Variants in PALM2AKAP2 observed in about 807,000 individuals in gnomAD.
PALM2AKAP2 encodes PALM2 and AKAP2 fusion, also known as PALM2-AKAP2 fusion protein.
A neutral mutation model predicts 71.5 loss-of-function variants in PALM2AKAP2; 37 were observed. The observed-to-expected ratio is 0.52, with a 90% CI of 0.40 to 0.68. PALM2AKAP2 has a LOEUF of 0.68. Among genes scored for constraint, PALM2AKAP2 ranks in the 30% least tolerant of loss-of-function variants. The pLI, the probability that PALM2AKAP2 is intolerant of heterozygous loss-of-function variation, is 0.00. For missense variants in PALM2AKAP2, 1,224 were observed against 1,191.8 expected, an observed-to-expected ratio of 1.03 and a Z score of -0.40; for synonymous variants, 468 against 478.8, an observed-to-expected ratio of 0.98 and a Z score of 0.29.
At chr9:109,776,208 C>T (rs77067233), upstream of PALM2AKAP2, among the ~76,000 whole-genome samples, 2,198 of 152,102 alleles carry the variant, frequency 0.014, 64 homozygotes, top group African/African-American at 0.05. Flanking sequence ...GTTTTAAATG[C>T]CTGTGTTTGT....
chr9:109,839,063 C>A (rs901540718), intron 1 of PALM2AKAP2, among the ~76,000 whole-genome samples: 2 of 152,176 alleles, frequency 1.3e-5, no homozygotes, highest in Non-Finnish European at 2.9e-5. Flanking sequence ...GATACCAAAG[C>A]TTGGCAGAGA....
At position 109,982,647 on chromosome 9, in the gene PALM2AKAP2, A is replaced by G. The variant is rs915798590; in HGVS notation, c.497-33307A>G. On this transcript the variant is annotated intron_variant, in intron 6 of 9. Coordinates refer to the PALM2AKAP2 transcript ENST00000302798. Reference sequence around the variant, plus strand: ...AAAATTTTTTTAAAGAGAGAGAGAGACAGGGTCTCATTCTGTCACCCAGGC... The same window carrying G: ...AAAATTTTTTTAAAGAGAGAGAGAGGCAGGGTCTCATTCTGTCACCCAGGC... 5.9e-5 allele frequency among the ~76,000 whole-genome samples: 9 copies of G among 152,252 alleles called. No homozygotes were observed. In the South Asian group the frequency reaches 1.9e-3, roughly 32 times the overall value.
chr9:109,853,398 T>C (rs1025033654), intron 1 of PALM2AKAP2, among the ~76,000 whole-genome samples: 5 of 152,224 alleles, frequency 3.3e-5, no homozygotes, highest in African/African-American at 9.6e-5. Flanking sequence ...TTTTTTCTTA[T>C]AAAAGTGAGA....
At chr9:110,049,378 G>GGGCCCC (rs936952787) in intron 1 of PALM2AKAP2, among the ~76,000 whole-genome samples, 3 of 152,120 alleles carry the variant, frequency 2.0e-5, no homozygotes, top group Non-Finnish European at 2.9e-5. Context: ...AGGGAGGGCC[G>GGGCCCC]GGCCCCGGCC....
intron 3 of PALM2AKAP2, among the ~76,000 whole-genome samples, chr9:109,916,131 A>G (rs145700057): frequency 0.016 from 2,484 of 152,276 alleles, 60 homozygotes; most frequent in African/African-American, 0.057. Context: ...TTTAGTAGAG[A>G]CGGAGTTTCA....
intron 1 of PALM2AKAP2, among the ~76,000 whole-genome samples, chr9:110,064,906 G>C (rs1834044183): frequency 6.6e-6 from 1 of 152,218 alleles, no homozygotes; most frequent in African/African-American, 2.4e-5. Flanking sequence ...GACAGGAAGA[G>C]GCTGAGGTCT....
intron 1 of PALM2AKAP2, among the ~76,000 whole-genome samples, chr9:109,818,661 T>A (rs1288821391): frequency 6.6e-6 from 1 of 152,202 alleles, no homozygotes; most frequent in Non-Finnish European, 1.5e-5. Flanking sequence ...AGTCTCACTG[T>A]GTTGCCCAGG....
intron 3 of PALM2AKAP2, among the ~76,000 whole-genome samples, chr9:110,157,949 A>G (rs1472402219): frequency 1.3e-5 from 2 of 152,242 alleles, no homozygotes; most frequent in Admixed American, 6.5e-5. Context: ...GGCATCTCCC[A>G]GGCTTTCCCT....
intron 6 of PALM2AKAP2, among the ~76,000 whole-genome samples, chr9:109,964,070 T>C (rs961261716): frequency 2.0e-5 from 3 of 152,252 alleles, no homozygotes; most frequent in South Asian, 2.1e-4. Context: ...GTATGAAGTA[T>C]ATTTGCCAAC....
intron 6 of PALM2AKAP2, chr9:109,945,291 G>A (rs1831478300): frequency 6.6e-6 from 1 of 151,778 alleles, no homozygotes; most frequent in Non-Finnish European, 1.5e-5. Context: ...CGTTAAAGAA[G>A]AGAAAAATAA....
intron 6 of PALM2AKAP2, among the ~76,000 whole-genome samples, chr9:110,013,832 A>G (rs954854816): frequency 6.6e-6 from 1 of 152,224 alleles, no homozygotes; most frequent in Admixed American, 6.5e-5. Flanking sequence ...ATTATTAGTC[A>G]TTCATCACCT....
chr9:110,049,205 A>G (rs1833661100), intron 1 of PALM2AKAP2, among the ~76,000 whole-genome samples: 1 of 152,112 alleles, frequency 6.6e-6, no homozygotes, highest in African/African-American at 2.4e-5. Flanking sequence ...TTTCAGGAAA[A>G]GCAGTGAAAT....
At chr9:109,856,552 C>T (rs1057511930) in intron 1 of PALM2AKAP2, among the ~76,000 whole-genome samples, 1 of 152,196 alleles carries the variant, frequency 6.6e-6, no homozygotes, top group African/African-American at 2.4e-5. Flanking sequence ...CCTGAAGGAA[C>T]AAAGCTGGTA....
chr9:110,154,432 G>A (rs757360978), intron 2 of PALM2AKAP2, among the ~76,000 whole-genome samples: 2 of 152,202 alleles, frequency 1.3e-5, no homozygotes, highest in Non-Finnish European at 2.9e-5. Context: ...CATACTAAGT[G>A]TGCAGGAGTG....
intron 1 of PALM2AKAP2, among the ~76,000 whole-genome samples, chr9:109,784,521 A>C (rs1268301350): frequency 6.6e-6 from 1 of 152,264 alleles, no homozygotes; most frequent in Non-Finnish European, 1.5e-5. Context: ...AGGCAAAAGC[A>C]TGAAGAAGTT....
At chr9:110,022,717 A>G (rs1833095901) in intron 7 of PALM2AKAP2, among the ~76,000 whole-genome samples, 1 of 151,774 alleles carries the variant, frequency 6.6e-6, no homozygotes, top group African/African-American at 2.4e-5. Flanking sequence ...TCCTAATGCT[A>G]TCCCTCCCCT....
At chr9:109,650,593 T>C (rs1827212322) in intron 1 of PALM2AKAP2, among the ~76,000 whole-genome samples, 1 of 152,112 alleles carries the variant, frequency 6.6e-6, no homozygotes, top group Non-Finnish European at 1.5e-5. Flanking sequence ...ATTTTTAAAT[T>C]ATTTTCATTT....
chr9:110,136,736 G>A, exon 2 of PALM2AKAP2: 1 of 1,614,180 alleles, frequency 6.2e-7, no homozygotes, highest in Non-Finnish European at 8.5e-7. Flanking sequence ...CCGAGATGGA[G>A]AGTTCACTCT....
intron 6 of PALM2AKAP2, among the ~76,000 whole-genome samples, chr9:110,013,161 G>A (rs577532108): frequency 5.9e-5 from 9 of 152,164 alleles, no homozygotes; most frequent in Non-Finnish European, 1.2e-4. Flanking sequence ...GCTGACTGGG[G>A]CTTGTCCTTC....
Sources: allele counts gnomAD v4.1 joint callset (sites outside exome capture counted in the v4.1 genomes callset), GRCh38; gene constraint gnomAD v4.1.1; transcripts MANE v1.5; gene names NCBI Gene and HGNC (gene_info 2026-07-23, HGNC 2026-07-21).